Variants in STARD9 observed in about 807,000 individuals in gnomAD.
STARD9 encodes the protein stAR-related lipid transfer protein 9.
A neutral mutation model predicts 399.8 loss-of-function variants in STARD9; 346 were observed. That is an observed-to-expected ratio of 0.87 (90% CI 0.79 to 0.95). The LOEUF is 0.95. STARD9 is among the 40% of genes least tolerant of loss of function. STARD9 has a pLI of 0.00. For synonymous variants in STARD9, 2,203 were observed against 2,143.5 expected (o/e 1.03, Z -0.77); for missense variants, 5,832 against 5,667.5 (o/e 1.03, Z -0.93).
intron 7 of STARD9, among the ~76,000 whole-genome samples, chr15:42,639,756 C>T (rs1037308615): frequency 9.9e-5 from 15 of 151,482 alleles, no homozygotes; most frequent in Non-Finnish European, 1.0e-4. Flanking sequence ...CCCAGCTACT[C>T]GGGAGGCTGA....
chr15:42,584,525 C>A (rs544601625), intron 2 of STARD9, among the ~76,000 whole-genome samples: 1 of 152,222 alleles, frequency 6.6e-6, no homozygotes, highest in African/African-American at 2.4e-5. Flanking sequence ...CAGGAAGAAT[C>A]TCTTAATCAT....
Position 42,719,674 on chromosome 15 carries a change from A to G in STARD9, c.*100A>G, listed in dbSNP as rs2061416828. The stretch of plus-strand genomic sequence containing the variant: ...TTACTTTCCATACCACAGTGCAGGA[A>G]AAGCTGATGCTACCTGCTGTGGCCG... On this transcript the variant is annotated 3_prime_UTR_variant, in exon 33 of 33. Transcript: ENST00000290607. 1.3e-6 allele frequency: 1 copy of G among 777,798 alleles called. No homozygotes were observed. Among genetic ancestry groups the G allele is most frequent in the African/African-American group, 1.7e-5 (1 of 57,638 alleles). 48.2% of individuals were successfully genotyped at this position (777,798 alleles called of 1,614,324 possible). A position where few individuals can be genotyped will look rare whatever the true frequency, so the allele number is the denominator to read the frequency against.
chr15:42,638,771 T>C lies in STARD9; in HGVS notation c.518T>C (p.Leu173Pro). 2 of 1,536,270 alleles carry C rather than the reference T, an allele frequency of 1.3e-6. No individual in the cohort carries two copies. Among genetic ancestry groups the C allele is most frequent in the Non-Finnish European group, 1.7e-6 (2 of 1,146,238 alleles). Reference sequence around the variant, plus strand: ...TCTGGTCAAAAAAAGTCCTATACCCTGCGGGTCAGGGAGCATCCAGAGATG... The same window carrying C: ...TCTGGTCAAAAAAAGTCCTATACCCCGCGGGTCAGGGAGCATCCAGAGATG... ...KQSGQKKSYT[L>P]RVREHPEMGP... The change falls in exon 7 of 33, where the codon CTG becomes CCG. Residue 173 changes from leucine to proline, a missense_variant. Around this residue, in one of 2 missense-constraint regions of STARD9, gnomAD observed 5,828 missense variants for 5,651.1 expected, o/e 1.03. Transcript: ENST00000290607.
intron 1 of STARD9, among the ~76,000 whole-genome samples, chr15:42,581,767 T>C (rs1229230979): frequency 6.6e-6 from 1 of 152,248 alleles, no homozygotes; most frequent in East Asian, 1.9e-4. Flanking sequence ...GGATAACTAC[T>C]TCAATAGTTT....
In STARD9 at chr15:42,716,973, G is replaced by T; in HGVS notation, c.13419G>T (p.Leu4473=). 6.5e-7 allele frequency: 1 copy of T among 1,537,250 alleles called. No individual in the cohort carries two copies. Among genetic ancestry groups the T allele is most frequent in the East Asian group, 2.4e-5 (1 of 40,916 alleles). ...LGSCCCSPSS[L]SSLGTCFSSS... is the part of the protein sequence containing the mutation. ...GTTGCTGCTGTTCACCATCCAGTCTGTCCAGCTTGGGGACCTGCTTTTCCT... is the reference window on the plus strand; with the variant it reads ...GTTGCTGCTGTTCACCATCCAGTCTTTCCAGCTTGGGGACCTGCTTTTCCT... Residue 4473 remains leucine (L), a synonymous_variant, in exon 28 of 33, where the codon CTG becomes CTT. Coordinates refer to ENST00000290607, the MANE Select transcript of STARD9 (RefSeq NM_020759.3).
intron 3 of STARD9, among the ~76,000 whole-genome samples, chr15:42,597,990 GTATATATATA>G (rs777829762): frequency 1.5e-5 from 2 of 129,328 alleles, no homozygotes; most frequent in Admixed American, 8.0e-5. Context: ...GTGTGTGTTT[GTATATATATA>G]TGTGTGTGTG....
At chr15:42,638,900 AATGAACACTTATC>A (rs765436359) in intron 7 of STARD9, 88 bp downstream of exon 7, 6 of 693,762 alleles carry the variant, frequency 8.6e-6, no homozygotes, top group Non-Finnish European at 1.4e-5. Context: ...ACATAGGTGT[AATGAACACTTATC>A]GTGTGCCAGC....
Position 42,687,381 on chromosome 15 carries a change from C to G in STARD9, c.5803C>G (p.Leu1935Val). 1 of 1,536,768 alleles carries G rather than the reference C, an allele frequency of 6.5e-7. No individual in the cohort carries two copies. ...TCTGAGGCAGACCATCAATGTAAGCCTTGAGAAAGACATGCCAGGGGAAAG... is the reference window on the plus strand; with the variant it reads ...TCTGAGGCAGACCATCAATGTAAGCGTTGAGAAAGACATGCCAGGGGAAAG... The part of the protein sequence containing the change: ...TVLRQTINVS[L>V]EKDMPGESAV... The change falls in exon 23 of 33, where the codon CTT (leucine) becomes GTT (valine). Residue 1935 changes from leucine (L) to valine (V), a missense_variant. Around this residue, in one of 2 missense-constraint regions of STARD9, gnomAD observed 5,828 missense variants for 5,651.1 expected, o/e 1.03. Transcript: ENST00000290607.
chr15:42,718,907 C>A lies in STARD9; in HGVS notation c.13998C>A (p.Ala4666=), dbSNP rs376616614. The A allele has an allele frequency of 3.3e-6, 5 of 1,537,022 alleles. No individual in the cohort carries two copies. The African/African-American group carries it at 6.8e-5, about 21-fold the overall frequency. The change falls in exon 32 of 33, where the codon GCC becomes GCA. Residue 4666 remains alanine, a synonymous_variant. Coordinates refer to ENST00000290607, the MANE Select transcript of STARD9 (RefSeq NM_020759.3). ...AAGTCACCAGAGTCATCTACTTGGC[C>A]CAGGTGATAAATCCTTTGCAGCTGG... The part of the protein sequence containing the change: ...GKEVTRVIYL[A]QVELGAPGFP...
chr15:42,712,096 T>TATATATATAA (rs1566966126), intron 26 of STARD9, among the ~76,000 whole-genome samples: 11 of 504 alleles, frequency 0.022, no homozygotes, highest in African/African-American at 0.04. Flanking sequence ...TATATATATA[T>TATATATATAA]AATATATAAT....
At chr15:42,669,516 C>T (rs542366818) in intron 16 of STARD9, 179 bp downstream of exon 16, 9 of 517,038 alleles carry the variant, frequency 1.7e-5, no homozygotes, top group East Asian at 1.7e-4. Context: ...GTTTTGCCTT[C>T]GTATGTATAG....
rs923276294 is a variant in STARD9 at position 42,686,855 on chromosome 15, T to C, written c.5277T>C (p.Thr1759=). Residue 1759 remains threonine, a synonymous_variant, in exon 23 of 33, where the codon ACT becomes ACC. Coordinates refer to ENST00000290607, the MANE Select transcript of STARD9 (RefSeq NM_020759.3). ...AAAGCAGGGATGCCCTGACAGAAAC[T>C]GCCTTAGAGATTCCAGCTTGCAGAG... The part of the protein sequence containing the change: ...VTKSRDALTE[T]ALEIPACREV... 18 of 1,536,946 alleles carry C rather than the reference T, an allele frequency of 1.2e-5. No homozygotes were observed. The Admixed American group carries it at 1.8e-4, about 15-fold the overall frequency.
At chr15:42,656,946 TCAC>T (rs1188619971) in intron 9 of STARD9, among the ~76,000 whole-genome samples, 1 of 152,066 alleles carries the variant, frequency 6.6e-6, no homozygotes, top group Non-Finnish European at 1.5e-5. Context: ...ATTTCAGAAA[TCAC>T]CACTAAAGAA....
chr15:42,618,491 A>C, intron 3 of STARD9, among the ~76,000 whole-genome samples: 1 of 152,088 alleles, frequency 6.6e-6, no homozygotes, highest in Non-Finnish European at 1.5e-5. Flanking sequence ...ATAATCATCC[A>C]TTTCATCTAG....
intron 3 of STARD9, among the ~76,000 whole-genome samples, chr15:42,624,897 C>G (rs1010839652): frequency 2.6e-5 from 4 of 152,238 alleles, no homozygotes; most frequent in Non-Finnish European, 5.9e-5. Flanking sequence ...TCTGTTACTG[C>G]ATTTAGTAGC....
At chr15:42,665,228 G>T (rs1322870112) in intron 13 of STARD9, 25 bp from the exon 14 acceptor site, 1 of 1,519,888 alleles carries the variant, frequency 6.6e-7, no homozygotes, top group Non-Finnish European at 8.8e-7. Flanking sequence ...AACAATCAGT[G>T]GTGATGGAGT....
Position 42,688,456 on chromosome 15 carries a change from C to T in STARD9, c.6878C>T (p.Thr2293Ile), listed in dbSNP as rs1374472736. The T allele has an allele frequency of 6.5e-7, 1 of 1,537,680 alleles. No homozygotes were observed. The highest frequency in any genetic ancestry group is 1.4e-5 in the African/African-American group (1 of 73,044). Reference protein sequence around the residue: ...GGSLQEENKVTQKFPSLSQLC... With the variant: ...GGSLQEENKVIQKFPSLSQLC... ...AGCCTTCAGGAAGAAAATAAAGTGA[C>T]TCAGAAATTTCCTAGTCTCAGCCAG... is the stretch of plus-strand genomic sequence containing the variant. The change falls in exon 23 of 33, where the codon ACT (threonine) becomes ATT (isoleucine). Residue 2293 changes from threonine to isoleucine, a missense_variant. Thr to Ile is a moderately conservative substitution (Grantham distance 89). This residue lies in a region of STARD9 where 5,828 missense variants were observed against 5,651.1 expected (regional missense o/e 1.03). Coordinates refer to ENST00000290607, the MANE Select transcript of STARD9 (RefSeq NM_020759.3).
At chr15:42,651,543 C>T (rs538247556) in intron 8 of STARD9, among the ~76,000 whole-genome samples, 106 of 152,102 alleles carry the variant, frequency 7.0e-4, no homozygotes, top group Non-Finnish European at 1.2e-3. Context: ...GCTGTAGATT[C>T]CCCTAAAAGC....
At chr15:42,598,332 A>G (rs1248420399) in intron 3 of STARD9, among the ~76,000 whole-genome samples, 1 of 151,790 alleles carries the variant, frequency 6.6e-6, no homozygotes, top group Non-Finnish European at 1.5e-5. Context: ...TGCCCGGCCC[A>G]GCCTATATTT....
Sources: gnomAD v4.1 joint callset for allele counts (sites outside exome capture counted in the v4.1 genomes callset) on GRCh38, gnomAD v4.1.1 for gene constraint, gnomAD v4.1.1 regional missense constraint, MANE v1.5 for transcripts, NCBI Gene and HGNC (gene_info 2026-07-23, HGNC 2026-07-21) for gene names.